The following LRRK2 variants were observed in gnomAD, a reference collection of about 807,000 sequenced individuals.
LRRK2 encodes the protein leucine-rich repeat serine/threonine-protein kinase 2.
A neutral mutation model predicts 302.6 loss-of-function variants in LRRK2; 203 were observed. The ratio of observed to expected loss-of-function variants is 0.67; its 90% CI spans 0.60 to 0.75. LRRK2 has a LOEUF of 0.75. Among genes scored for constraint, LRRK2 ranks in the 30% least tolerant of loss-of-function variants. The probability of loss-of-function intolerance (pLI) is 0.00; values close to 1 mark genes in which losing one functional copy is unlikely to be tolerated. For missense variants in LRRK2, 2,830 were observed against 2,951.0 expected, an observed-to-expected ratio of 0.96 and a Z score of 0.95; for synonymous variants, 1,066 against 1,031.9, an observed-to-expected ratio of 1.03 and a Z score of -0.63.
intron 44 of LRRK2, 75 bp from the exon 45 acceptor site, chr12:40,354,224 T>G: frequency 8.2e-7 from 1 of 1,215,300 alleles, no homozygotes; most frequent in Non-Finnish European, 1.2e-6. Flanking sequence ...GATAACAGAA[T>G]CCTTTATTCT....
intron 40 of LRRK2, among the ~76,000 whole-genome samples, chr12:40,338,465 CTT>C (rs1945941613): frequency 6.6e-6 from 1 of 152,164 alleles, no homozygotes; most frequent in Non-Finnish European, 1.5e-5. Context: ...GACTGTTTAA[CTT>C]AATATAAACC....
chr12:40,337,589 TA>T (rs577811279), intron 40 of LRRK2, among the ~76,000 whole-genome samples: 97 of 152,340 alleles, frequency 6.4e-4, no homozygotes, highest in African/African-American at 2.2e-3. Flanking sequence ...TCCTTGACTC[TA>T]TTTTACATTA....
chr12:40,322,636 G>A, intron 37 of LRRK2, 126 bp downstream of exon 37: 3 of 791,178 alleles, frequency 3.8e-6, no homozygotes, highest in Admixed American at 4.8e-5. Context: ...TCAATTATAG[G>A]GACAGTTCAG....
At chr12:40,255,154 C>G (rs1360073914) in intron 11 of LRRK2, among the ~76,000 whole-genome samples, 2 of 151,866 alleles carry the variant, frequency 1.3e-5, no homozygotes, top group South Asian at 4.2e-4. Context: ...AGTAAAAATC[C>G]CAGGCTCATG....
intron 40 of LRRK2, among the ~76,000 whole-genome samples, chr12:40,339,735 T>A (rs1945980141): frequency 1.3e-5 from 2 of 152,108 alleles, no homozygotes; most frequent in South Asian, 4.1e-4. Context: ...TTTTCATTTG[T>A]TTTCATCCAA....
At chr12:40,365,682 C>T (rs573466187) in intron 49 of LRRK2, 87 of 151,694 alleles carry the variant, frequency 5.7e-4, no homozygotes, top group African/African-American at 1.8e-3. Flanking sequence ...TTTACAAAAA[C>T]GACACTATGG....
chr12:40,292,803 A>G (rs1180868814), intron 20 of LRRK2, among the ~76,000 whole-genome samples: 1 of 152,078 alleles, frequency 6.6e-6, no homozygotes, highest in South Asian at 2.1e-4. Context: ...CACATTATTT[A>G]TCTTTAATAT....
chr12:40,251,169 T>A (rs547951505), intron 8 of LRRK2, 63 bp from the exon 9 acceptor site: 1 of 1,119,314 alleles, frequency 8.9e-7, no homozygotes, highest in Admixed American at 2.2e-5. Flanking sequence ...GACTTAGAGT[T>A]GGTCAAACTG....
At chr12:40,308,999 AG>A in intron 29 of LRRK2, 106 bp from the exon 30 acceptor site, 1 of 1,223,052 alleles carries the variant, frequency 8.2e-7, no homozygotes, top group African/African-American at 1.5e-5. Context: ...TTCTCTTATT[AG>A]TATGCTAAAT....
Position 40,251,142 on chromosome 12 carries a change from T to C in LRRK2, c.959-90T>C, listed in dbSNP as rs1942251035. On this transcript the variant is annotated intron_variant, in intron 8 of 50. Transcript: ENST00000298910. ...CCTAAAGCACACCTCATTCTGTTGG[T>C]AATATTTCAAAATATGGACTTAGAG... 26 of 869,112 alleles carry C rather than the reference T, an allele frequency of 3.0e-5. 1 individual carries two copies. In the South Asian group the frequency reaches 4.5e-4, roughly 15 times the overall value. The allele number at this position is 869,112 out of a possible 1,614,324, so 53.8% of individuals were successfully genotyped here.
At chr12:40,328,580 A>G in intron 39 of LRRK2, 120 bp downstream of exon 39, 1 of 742,680 alleles carries the variant, frequency 1.3e-6, no homozygotes, top group South Asian at 1.8e-5. Context: ...AAGTTTAATT[A>G]TGCAATCCTA....
chr12:40,354,775 G>A (rs1194773477), intron 45 of LRRK2, among the ~76,000 whole-genome samples: 10 of 151,592 alleles, frequency 6.6e-5, no homozygotes, highest in Admixed American at 6.6e-4. Context: ...CTTCTCCTCA[G>A]ATCAATGAAT....
At chr12:40,251,094 C>A (rs1592162625) in intron 8 of LRRK2, 138 bp from the exon 9 acceptor site, 39 of 505,164 alleles carry the variant, frequency 7.7e-5, no homozygotes, top group Non-Finnish European at 1.1e-4. Context: ...TAAAAATTAT[C>A]TTTATAATTG....
Position 40,259,503 on chromosome 12 carries a change from C to A in LRRK2, c.1442C>A (p.Ala481Glu). 1 of 1,613,260 alleles carries A rather than the reference C, an allele frequency of 6.2e-7. No homozygotes were observed. Among genetic ancestry groups the A allele is most frequent in the Non-Finnish European group, 8.5e-7 (1 of 1,179,430 alleles). ...AGCAACACTTCCCTGGATATAATGG[C>A]AGCAGTGGTCCCCAAAATACTAACA... The part of the protein sequence containing the change: ...EGSNTSLDIM[A>E]AVVPKILTVM... The change falls in exon 13 of 51, where the codon GCA becomes GAA. Residue 481 changes from alanine (A) to glutamate (E), a missense_variant. Ala to Glu is a moderately radical substitution (Grantham distance 107). Around this residue, in one of 3 missense-constraint regions of LRRK2, gnomAD observed 2,121 missense variants for 2,148.0 expected, o/e 0.99. Transcript: ENST00000298910.
At position 40,364,897 on chromosome 12, in the gene LRRK2, A is replaced by T; in HGVS notation, c.7237A>T (p.Arg2413Ter). 1 of 1,612,462 alleles carries T rather than the reference A, an allele frequency of 6.2e-7. No homozygotes were observed. Among genetic ancestry groups the T allele is most frequent in the South Asian group, 1.1e-5 (1 of 91,042 alleles). ...AAAACACAAAATGTCTTATTCTGGG[A>T]GAGTGAAAACCCTCTGCCTTCAGAA... ...ESKHKMSYSG[R>*]VKTLCLQKNT... The change falls in exon 49 of 51, where the codon AGA (arginine) becomes TGA (stop). Residue 2413 changes from arginine to a stop codon, truncating the protein, a stop_gained. Coordinates refer to ENST00000298910, the MANE Select transcript of LRRK2 (RefSeq NM_198578.4). LOFTEE classifies it high-confidence loss of function.
At chr12:40,280,788 C>T (rs376948397) in intron 18 of LRRK2, among the ~76,000 whole-genome samples, 5 of 151,704 alleles carry the variant, frequency 3.3e-5, no homozygotes, top group East Asian at 1.9e-4. Context: ...ACCAACCGGT[C>T]GGGTGCGGTG....
At chr12:40,334,229 C>T (rs369089101) in intron 39 of LRRK2, among the ~76,000 whole-genome samples, 81 of 152,226 alleles carry the variant, frequency 5.3e-4, no homozygotes, top group East Asian at 2.9e-3. Flanking sequence ...ATGAGTTTGA[C>T]GTGGCCTGTT....
chr12:40,331,160 A>C (rs917794647), intron 39 of LRRK2, among the ~76,000 whole-genome samples: 6 of 152,076 alleles, frequency 3.9e-5, no homozygotes, highest in Non-Finnish European at 5.9e-5. Context: ...GTGACTTCGT[A>C]TGAAGTAAGT....
At chr12:40,347,750 G>A (rs1322081640) in intron 42 of LRRK2, among the ~76,000 whole-genome samples, 3 of 152,120 alleles carry the variant, frequency 2.0e-5, no homozygotes, top group African/African-American at 7.2e-5. Context: ...ATCACTTGAG[G>A]CCAGGAGCTG....
Sources: allele counts gnomAD v4.1 joint callset (sites outside exome capture counted in the v4.1 genomes callset), GRCh38; gene constraint gnomAD v4.1.1; regional missense constraint gnomAD v4.1.1; transcripts MANE v1.5; gene names NCBI Gene and HGNC (gene_info 2026-07-23, HGNC 2026-07-21).